The following USP14 variants were observed in gnomAD, a reference collection of about 807,000 sequenced individuals.
USP14 encodes ubiquitin carboxyl-terminal hydrolase 14.
In USP14, 38 loss-of-function variants were observed where a neutral mutation model predicts 76.5. The observed-to-expected ratio is 0.50, with a 90% CI of 0.38 to 0.65. USP14 has a LOEUF of 0.65. Ranked by LOEUF, USP14 falls within the 30% of genes least tolerant of loss-of-function variation. The pLI, the probability that USP14 is intolerant of heterozygous loss-of-function variation, is 0.00. For synonymous variants in USP14, 192 were observed against 191.7 expected (o/e 1.00, Z -0.01); for missense variants, 467 against 586.5 (o/e 0.80, Z 2.10).
At chr18:200,696 C>A (rs1910361525) in intron 10 of USP14, among the ~76,000 whole-genome samples, 2 of 152,190 alleles carry the variant, frequency 1.3e-5, no homozygotes, top group South Asian at 2.1e-4. Flanking sequence ...CTCGAAGGAT[C>A]TCCCCATTTG....
chr18:214,190 A>G lies in USP14; in HGVS notation c.*2906A>G, dbSNP rs1463591883. The G allele has an allele frequency of 6.2e-6, 1 of 160,240 alleles. No homozygotes were observed. The highest frequency in any genetic ancestry group is 2.4e-5 in the African/African-American group (1 of 41,464). 9.9% of individuals were successfully genotyped at this position (160,240 alleles called of 1,614,324 possible). A position where few individuals can be genotyped will look rare whatever the true frequency, so the allele number is the denominator to read the frequency against. On this transcript the variant is annotated 3_prime_UTR_variant, in exon 16 of 16. Coordinates refer to ENST00000261601, the MANE Select transcript of USP14 (RefSeq NM_005151.4). Reference sequence around the variant, plus strand: ...AGACTCGTGGCAGGCAGAACAAACCATCATTTGTTGATCCTCTGCTTGAAA... The same window carrying G: ...AGACTCGTGGCAGGCAGAACAAACCGTCATTTGTTGATCCTCTGCTTGAAA...
chr18:200,374 AG>A (rs1910352903), intron 10 of USP14, among the ~76,000 whole-genome samples: 1 of 152,196 alleles, frequency 6.6e-6, no homozygotes, highest in African/African-American at 2.4e-5. Flanking sequence ...AGAGTGAATG[AG>A]GGTATGTTAG....
chr18:179,755 T>TA (rs1168270778), intron 4 of USP14, among the ~76,000 whole-genome samples: 14 of 147,062 alleles, frequency 9.5e-5, no homozygotes, highest in South Asian at 2.2e-4. Context: ...GCCCAGCAAA[T>TA]AAAAAAAAAA....
chr18:173,239 C>CT lies in USP14; in HGVS notation c.196-5693dup, dbSNP rs202151884. ...TCTCCTGCCTCAGCCTCCCGAGTAGCTGGGACTACAGGTGCCTGCCACCAC... is the reference window on the plus strand; with the variant it reads ...TCTCCTGCCTCAGCCTCCCGAGTAGCTTGGGACTACAGGTGCCTGCCACCAC... On this transcript the variant is annotated intron_variant, in intron 3 of 15. Coordinates refer to ENST00000261601, the MANE Select transcript of USP14 (RefSeq NM_005151.4). Among the ~76,000 whole-genome samples, 6 of 151,788 alleles carry CT rather than the reference C, an allele frequency of 4.0e-5. No homozygotes were observed. In the East Asian group the frequency reaches 1.2e-3, roughly 29 times the overall value.
At chr18:186,111 G>A (rs952876504) in intron 5 of USP14, among the ~76,000 whole-genome samples, 2 of 151,936 alleles carry the variant, frequency 1.3e-5, no homozygotes, top group African/African-American at 2.4e-5. Flanking sequence ...CCATCTTCTC[G>A]GCCCTTATGT....
intron 2 of USP14, among the ~76,000 whole-genome samples, chr18:166,101 G>A (rs1909264074): frequency 1.3e-5 from 2 of 152,078 alleles, no homozygotes; most frequent in Admixed American, 1.3e-4. Context: ...TTCTTGCCAC[G>A]TAAGCTTGTT....
intron 9 of USP14, among the ~76,000 whole-genome samples, chr18:198,858 G>C (rs1910313032): frequency 6.6e-6 from 1 of 152,062 alleles, no homozygotes; most frequent in Non-Finnish European, 1.5e-5. Flanking sequence ...CATGAATCAG[G>C]AAAGTACTGT....
At chr18:177,300 C>T (rs1048383849) in intron 3 of USP14, among the ~76,000 whole-genome samples, 1 of 151,416 alleles carries the variant, frequency 6.6e-6, no homozygotes, top group South Asian at 2.1e-4. Context: ...CTTATACTTG[C>T]AGTCCCAGCA....
intron 3 of USP14, among the ~76,000 whole-genome samples, chr18:171,907 G>A (rs1353018737): frequency 6.6e-6 from 1 of 152,160 alleles, no homozygotes; most frequent in Non-Finnish European, 1.5e-5. Flanking sequence ...AACTTGAGTT[G>A]AGGATACAAC....
At chr18:195,309 A>G (rs1910200549) in intron 6 of USP14, among the ~76,000 whole-genome samples, 1 of 152,108 alleles carries the variant, frequency 6.6e-6, no homozygotes, top group African/African-American at 2.4e-5. Context: ...CTCCAAAAAT[A>G]TTTTTTAAAC....
intron 5 of USP14, among the ~76,000 whole-genome samples, chr18:189,552 G>A (rs746405458): frequency 5.9e-5 from 9 of 151,686 alleles, no homozygotes; most frequent in East Asian, 1.9e-4. Flanking sequence ...GCACAATCTC[G>A]GCTCACTGCA....
chr18:181,267 G>A (rs996465282), intron 5 of USP14, among the ~76,000 whole-genome samples: 6 of 152,104 alleles, frequency 3.9e-5, no homozygotes, highest in Non-Finnish European at 8.8e-5. Context: ...AATGTTTTGA[G>A]GAACTGCCAC....
In USP14 at chr18:196,681, A is replaced by G; in HGVS notation, c.508A>G (p.Ile170Val). The change falls in exon 7 of 16, where the codon ATT (isoleucine) becomes GTT (valine). Residue 170 changes from isoleucine to valine, a missense_variant. By Grantham distance (29) the Ile-to-Val change is conservative. Transcript: ENST00000261601. Reference sequence around the variant, plus strand: ...TTCCATGGATAAAACTTCTTCCAGTATTCCACCTATTATTCTACTGCAGTT... The same window carrying G: ...TTCCATGGATAAAACTTCTTCCAGTGTTCCACCTATTATTCTACTGCAGTT... ...FDSMDKTSSS[I>V]PPIILLQFLH... 1 of 1,614,082 alleles carries G rather than the reference A, an allele frequency of 6.2e-7. No individual in the cohort carries two copies. The highest frequency in any genetic ancestry group is 1.3e-5 in the African/African-American group (1 of 75,034).
At chr18:158,822 G>T in intron 1 of USP14, 108 bp downstream of exon 1, 1 of 1,263,388 alleles carries the variant, frequency 7.9e-7, no homozygotes, top group Non-Finnish European at 9.9e-7. Context: ...AGGGGCCGGG[G>T]TGGGGTGCGC....
Position 196,849 on chromosome 18 carries a change from C to T in USP14, c.594+82C>T, listed in dbSNP as rs140103581. Reference sequence around the variant, plus strand: ...TTACCGTACTTACTGGAACATAGTTCGAAATATAAACATCAGTCTTCTCTA... The same window carrying T: ...TTACCGTACTTACTGGAACATAGTTTGAAATATAAACATCAGTCTTCTCTA... On this transcript the variant is annotated intron_variant, in intron 7 of 15. Coordinates refer to ENST00000261601, the MANE Select transcript of USP14 (RefSeq NM_005151.4). 12,383 of 1,535,120 alleles carry T rather than the reference C, an allele frequency of 8.1e-3. 66 individuals carry two copies. Among genetic ancestry groups the T allele is most frequent in the Non-Finnish European group, 9.4e-3 (10,524 of 1,123,858 alleles).
In USP14 at chr18:213,153, A is replaced by C. The variant is rs527560399; in HGVS notation, c.*1869A>C. On this transcript the variant is annotated 3_prime_UTR_variant, in exon 16 of 16. Coordinates refer to ENST00000261601, the MANE Select transcript of USP14 (RefSeq NM_005151.4). Reference sequence around the variant, plus strand: ...TTGTATGATGCTTGTAACTTTGCAAAGTCTTTTTTATTCATTGTCTCATTT... The same window carrying C: ...TTGTATGATGCTTGTAACTTTGCAACGTCTTTTTTATTCATTGTCTCATTT... 5.3e-5 allele frequency: 8 copies of C among 152,246 alleles called. No homozygotes were observed. The highest frequency in any genetic ancestry group is 4.6e-4 in the Admixed American group (7 of 15,290). 9.4% of individuals were successfully genotyped at this position (152,246 alleles called of 1,614,324 possible).
At chr18:199,495 T>A (rs1910329074) in intron 10 of USP14, among the ~76,000 whole-genome samples, 179 bp downstream of exon 10, 1 of 152,180 alleles carries the variant, frequency 6.6e-6, no homozygotes, top group South Asian at 2.1e-4. Flanking sequence ...GCCTTCTTGT[T>A]TCAGCTTGGT....
chr18:199,209 T>C lies in USP14; in HGVS notation c.769T>C (p.Cys257Arg). 1 of 1,611,260 alleles carries C rather than the reference T, an allele frequency of 6.2e-7. No individual in the cohort carries two copies. Among genetic ancestry groups the C allele is most frequent in the Non-Finnish European group, 8.5e-7 (1 of 1,177,554 alleles). The change falls in exon 10 of 16, where the codon TGT becomes CGT. Residue 257 changes from cysteine (C) to arginine (R), a missense_variant. Transcript: ENST00000261601. ...FGVEFETTMKCTESEEEEVTK... is the reference protein window; with the variant it reads ...FGVEFETTMKRTESEEEEVTK... ...TTATCTTAGTTTACAAAGCATGAAA[T>C]GTACAGAATCTGAAGAAGAAGAAGT...
Position 212,173 on chromosome 18 carries a change from GTTATC to G in USP14, c.*892_*896del, listed in dbSNP as rs1196862879. Reference sequence around the variant, plus strand: ...GTTAAGCATCCATTTAAAAATATTTGTTATCTTCTTTGCCTGCCTGTATTTTAAAA... The same window carrying G: ...GTTAAGCATCCATTTAAAAATATTTGTTCTTTGCCTGCCTGTATTTTAAAA... On this transcript the variant is annotated 3_prime_UTR_variant, in exon 16 of 16. Coordinates refer to ENST00000261601, the MANE Select transcript of USP14 (RefSeq NM_005151.4). 5 of 151,158 alleles carry G rather than the reference GTTATC, an allele frequency of 3.3e-5. No homozygotes were observed. Among genetic ancestry groups the G allele is most frequent in the African/African-American group, 1.2e-4 (5 of 41,196 alleles). The allele number at this position is 151,158 out of a possible 1,614,324, so 9.4% of individuals were successfully genotyped here.
Sources: gnomAD v4.1 joint callset for allele counts (sites outside exome capture counted in the v4.1 genomes callset) on GRCh38, gnomAD v4.1.1 for gene constraint, MANE v1.5 for transcripts, NCBI Gene and HGNC (gene_info 2026-07-23, HGNC 2026-07-21) for gene names.